Variants in SCAF8 observed in about 807,000 individuals in gnomAD.
The protein encoded by SCAF8 is SR-related and CTD-associated factor 8.
A neutral mutation model predicts 140.5 loss-of-function variants in SCAF8; 23 were observed. The observed-to-expected ratio is 0.16, with a 90% CI of 0.12 to 0.23. The LOEUF (loss-of-function observed/expected upper bound fraction) is 0.23, where lower values mean the gene tolerates loss of function less well. Ranked by LOEUF, SCAF8 falls within the 10% of genes least tolerant of loss-of-function variation. The pLI is 1.00. For missense variants in SCAF8, 1,397 were observed against 1,555.7 expected (o/e 0.90, Z 1.72); for synonymous variants, 575 against 528.9 (o/e 1.09, Z -1.20).
At position 154,830,998 on chromosome 6, in the gene SCAF8, C is replaced by A; in HGVS notation, c.2217C>A (p.Gly739=). 2.5e-6 allele frequency: 4 copies of A among 1,613,992 alleles called. No homozygotes were observed. Among genetic ancestry groups the A allele is most frequent in the Non-Finnish European group, 3.4e-6 (4 of 1,179,882 alleles). ...DVGFGSLVIP[G]GSVASNLATS... is the part of the protein sequence containing the mutation. Reference sequence around the variant, plus strand: ...GATTTGGTAGCCTTGTTATACCAGGCGGTTCTGTTGCCAGCAATCTTGCTA... The same window carrying A: ...GATTTGGTAGCCTTGTTATACCAGGAGGTTCTGTTGCCAGCAATCTTGCTA... The change falls in exon 19 of 20, where the codon GGC becomes GGA. Residue 739 remains glycine, a synonymous_variant. Coordinates refer to ENST00000367178, the MANE Select transcript of SCAF8 (RefSeq NM_014892.5).
chr6:154,768,739 A>C (rs879380625), intron 1 of SCAF8, among the ~76,000 whole-genome samples: 3 of 152,228 alleles, frequency 2.0e-5, no homozygotes, highest in Non-Finnish European at 4.4e-5. Flanking sequence ...AAAATCTCTC[A>C]AAAATTTTCT....
Position 154,803,603 on chromosome 6 carries a change from G to A in SCAF8, c.843G>A (p.Lys281=), listed in dbSNP as rs1777832291. 6 of 1,611,352 alleles carry A rather than the reference G, an allele frequency of 3.7e-6. No homozygotes were observed. The highest frequency in any genetic ancestry group is 5.1e-6 in the Non-Finnish European group (6 of 1,178,642). The change falls in exon 8 of 20, where the codon AAG becomes AAA. Residue 281 remains lysine (K), a synonymous_variant. Coordinates refer to ENST00000367178, the MANE Select transcript of SCAF8 (RefSeq NM_014892.5). ...EDSEHSEEPK[K]EIPASQLSHV... is the part of the protein sequence containing the mutation. The stretch of plus-strand genomic sequence containing the variant: ...CTGAGCATAGTGAAGAACCCAAAAA[G>A]GAAATTCCAGCTTCACAACTGTAAG...
chr6:154,766,754 C>G (rs1395037301), intron 1 of SCAF8, among the ~76,000 whole-genome samples: 1 of 139,434 alleles, frequency 7.2e-6, no homozygotes, highest in African/African-American at 2.7e-5. Flanking sequence ...TGTGCAACAT[C>G]TGGACACAGT....
intron 1 of SCAF8, chr6:154,742,016 A>T: frequency 6.5e-7 from 1 of 1,531,718 alleles, no homozygotes; most frequent in Non-Finnish European, 8.7e-7. Flanking sequence ...CACAAGAAGC[A>T]TAGTAAGATG....
chr6:154,735,519 C>CTTTT (rs11406318), intron 1 of SCAF8, among the ~76,000 whole-genome samples: 8 of 135,528 alleles, frequency 5.9e-5, no homozygotes, highest in African/African-American at 8.2e-5. Flanking sequence ...TGGGAATCTT[C>CTTTT]TTTTTTTTTT....
At chr6:154,805,648 A>G (rs1466071764) in intron 9 of SCAF8, among the ~76,000 whole-genome samples, 162 bp downstream of exon 9, 2 of 148,630 alleles carry the variant, frequency 1.3e-5, no homozygotes, top group African/African-American at 5.0e-5. Flanking sequence ...AAAGTTTGTT[A>G]TGGTGATATT....
chr6:154,782,959 C>CT (rs2114861178), intron 3 of SCAF8, among the ~76,000 whole-genome samples: 1 of 152,284 alleles, frequency 6.6e-6, no homozygotes, highest in Admixed American at 6.5e-5. Context: ...AAGATCAATA[C>CT]TTTATGTCCT....
At chr6:154,759,677 T>G (rs1779050477) in intron 1 of SCAF8, among the ~76,000 whole-genome samples, 2 of 150,510 alleles carry the variant, frequency 1.3e-5, no homozygotes, top group Non-Finnish European at 1.5e-5. Context: ...TTTTTTTTTT[T>G]TTTTTGAGAT....
At chr6:154,813,297 G>A (rs561727127) in intron 12 of SCAF8, among the ~76,000 whole-genome samples, 3 of 151,944 alleles carry the variant, frequency 2.0e-5, no homozygotes, top group South Asian at 4.2e-4. Flanking sequence ...GGCCAAGGCG[G>A]GAGGATTGCT....
intron 9 of SCAF8, among the ~76,000 whole-genome samples, chr6:154,805,704 G>GT (rs1777893819): frequency 6.6e-6 from 1 of 151,500 alleles, no homozygotes; most frequent in Non-Finnish European, 1.5e-5. Flanking sequence ...GACCTTTATG[G>GT]TTTTTTCTGT....
intron 1 of SCAF8, among the ~76,000 whole-genome samples, chr6:154,763,948 C>G (rs182432213): frequency 1.4e-4 from 21 of 152,256 alleles, no homozygotes; most frequent in Admixed American, 1.4e-3. Flanking sequence ...TGGTTACTAT[C>G]TGGCCCTTTG....
Position 154,833,306 on chromosome 6 carries a change from T to G in SCAF8, c.3727T>G (p.Ser1243Ala). Reference sequence around the variant, plus strand: ...TGAACTTTATGAAAAACTGACATCTTCAAATGAAATAAACAAGGAGAAGAG... The same window carrying G: ...TGAACTTTATGAAAAACTGACATCTGCAAATGAAATAAACAAGGAGAAGAG... ...DPELYEKLTS[S>A]NEINKEKSDT... The change falls in exon 20 of 20, where the codon TCA (serine) becomes GCA (alanine). Residue 1243 changes from serine to alanine, a missense_variant. Physicochemically the swap from Ser to Ala is moderately conservative, Grantham distance 99 (BLOSUM62 1). This residue lies in a region of SCAF8 where 930 missense variants were observed against 874.6 expected (regional missense o/e 1.06). Coordinates refer to ENST00000367178, the MANE Select transcript of SCAF8 (RefSeq NM_014892.5). 6.2e-7 allele frequency: 1 copy of G among 1,613,948 alleles called. No individual in the cohort carries two copies. The highest frequency in any genetic ancestry group is 8.5e-7 in the Non-Finnish European group (1 of 1,179,940).
intron 9 of SCAF8, among the ~76,000 whole-genome samples, chr6:154,806,600 G>A (rs182136570): frequency 4.6e-5 from 7 of 152,284 alleles, no homozygotes; most frequent in Admixed American, 1.3e-4. Flanking sequence ...GATTCTAGGA[G>A]CATGGAGGGG....
rs1003871359 is a variant in SCAF8, at chr6:154,779,317, G to A, written c.159+1272G>A. ...TCTCAAAAGTGCTGGGATTATAGGC[G>A]TGAGCCACTGCGCCCAGCCATAAAG... On this transcript the variant is annotated intron_variant, in intron 3 of 19. Transcript: ENST00000367178. 6.6e-5 allele frequency among the ~76,000 whole-genome samples: 10 copies of A among 152,268 alleles called. No individual in the cohort carries two copies. In the East Asian group the frequency reaches 7.7e-4, roughly 12 times the overall value.
intron 1 of SCAF8, among the ~76,000 whole-genome samples, chr6:154,735,391 G>A (rs1222996245): frequency 1.3e-5 from 2 of 152,012 alleles, no homozygotes; most frequent in African/African-American, 2.4e-5. Flanking sequence ...GAGGCTAAAC[G>A]GTAGATAATA....
intron 1 of SCAF8, among the ~76,000 whole-genome samples, chr6:154,734,568 G>C (rs1400289751): frequency 6.6e-6 from 1 of 152,178 alleles, no homozygotes; most frequent in Non-Finnish European, 1.5e-5. Flanking sequence ...AAAGACAAAT[G>C]GTAGGGAGAG....
At chr6:154,767,572 CTG>C (rs1316437339) in intron 1 of SCAF8, among the ~76,000 whole-genome samples, 2 of 127,850 alleles carry the variant, frequency 1.6e-5, no homozygotes, top group East Asian at 2.0e-4. Context: ...GGGCGTCTCA[CTG>C]TGTCACCCAG....
chr6:154,749,249 C>T (rs1778781835), intron 1 of SCAF8, among the ~76,000 whole-genome samples: 1 of 152,190 alleles, frequency 6.6e-6, no homozygotes, highest in Non-Finnish European at 1.5e-5. Context: ...CCTAAAATCT[C>T]TTATTTTGCT....
chr6:154,763,652 T>A (rs1776468065), intron 1 of SCAF8, among the ~76,000 whole-genome samples: 1 of 152,104 alleles, frequency 6.6e-6, no homozygotes, highest in Non-Finnish European at 1.5e-5. Context: ...TTTGTTAAAT[T>A]TTGGGTTTTG....
Sources: gnomAD v4.1 joint callset for allele counts (sites outside exome capture counted in the v4.1 genomes callset) on GRCh38, gnomAD v4.1.1 for gene constraint, gnomAD v4.1.1 regional missense constraint, MANE v1.5 for transcripts, NCBI Gene and HGNC (gene_info 2026-07-23, HGNC 2026-07-21) for gene names.